BRD7: variants seen among roughly 807,000 people sequenced by gnomAD.
BRD7 encodes the protein bromodomain containing 7, also known as bromodomain-containing protein 7.
Under a neutral mutation model 82.1 loss-of-function variants are expected in BRD7, and 15 were observed. The observed-to-expected ratio is 0.18, with a 90% CI of 0.12 to 0.28. The LOEUF is 0.28. BRD7 is among the 10% of genes least tolerant of loss of function. BRD7 has a pLI of 1.00. For synonymous variants in BRD7, 232 were observed against 266.9 expected, an observed-to-expected ratio of 0.87 and a Z score of 1.27; for missense variants, 638 against 779.9, an observed-to-expected ratio of 0.82 and a Z score of 2.17.
intron 12 of BRD7, among the ~76,000 whole-genome samples, chr16:50,322,740 T>TA (rs1252131022): frequency 6.6e-6 from 1 of 152,252 alleles, no homozygotes; most frequent in Non-Finnish European, 1.5e-5. Context: ...CAATTTTCGT[T>TA]AGACTATTAA....
At chr16:50,335,913 T>C (rs1227216351) in intron 6 of BRD7, among the ~76,000 whole-genome samples, 1 of 152,196 alleles carries the variant, frequency 6.6e-6, no homozygotes, top group Non-Finnish European at 1.5e-5. Context: ...CTTAAAACCA[T>C]TAAAGCGATC....
At chr16:50,324,303 C>T (rs535661923) in intron 11 of BRD7, among the ~76,000 whole-genome samples, 3 of 152,236 alleles carry the variant, frequency 2.0e-5, no homozygotes, top group African/African-American at 4.8e-5. Context: ...CAGAACCTCA[C>T]CTGCTACTCC....
chr16:50,354,371 T>C (rs1047728983), intron 4 of BRD7, 54 bp downstream of exon 4: 28 of 1,448,096 alleles, frequency 1.9e-5, no homozygotes, highest in Non-Finnish European at 2.6e-5. Context: ...GTTTGGATCC[T>C]ACACATCTAC....
At chr16:50,356,677 A>G (rs2038744327) in intron 2 of BRD7, among the ~76,000 whole-genome samples, 1 of 151,330 alleles carries the variant, frequency 6.6e-6, no homozygotes, top group South Asian at 2.1e-4. Flanking sequence ...CTGAAAGGGT[A>G]TAAGGGATCT....
chr16:50,365,832 G>A (rs200249712), intron 2 of BRD7, among the ~76,000 whole-genome samples: 14 of 151,978 alleles, frequency 9.2e-5, no homozygotes, highest in Admixed American at 2.0e-4. Context: ...ATCAGTTCAG[G>A]AGTCTAATAT....
At chr16:50,368,011 T>A in intron 2 of BRD7, 79 bp downstream of exon 2, 3 of 1,425,202 alleles carry the variant, frequency 2.1e-6, no homozygotes, top group Non-Finnish European at 2.9e-6. Flanking sequence ...TTTCCCCAGA[T>A]ACAAAGAAAA....
chr16:50,322,255 T>C (rs1206181064), intron 12 of BRD7, among the ~76,000 whole-genome samples: 1 of 152,216 alleles, frequency 6.6e-6, no homozygotes, highest in Admixed American at 6.5e-5. Context: ...GTTATTTCCA[T>C]GCCTGATCAA....
chr16:50,349,951 A>G, intron 5 of BRD7, 72 bp downstream of exon 5: 1 of 1,309,364 alleles, frequency 7.6e-7, no homozygotes, highest in Non-Finnish European at 1.0e-6. Context: ...TAAAAGGTCA[A>G]TGAGAAAGAT....
intron 10 of BRD7, among the ~76,000 whole-genome samples, 193 bp from the exon 11 acceptor site, chr16:50,326,076 G>C (rs918786049): frequency 6.6e-6 from 1 of 152,138 alleles, no homozygotes; most frequent in East Asian, 1.9e-4. Flanking sequence ...AAGGGAGAGG[G>C]AGAGGAACAA....
intron 2 of BRD7, among the ~76,000 whole-genome samples, chr16:50,356,137 T>C (rs146614323): frequency 6.6e-6 from 1 of 152,346 alleles, no homozygotes; most frequent in East Asian, 1.9e-4. Flanking sequence ...TTGGCAACAT[T>C]TGTCTGAAAT....
At position 50,368,644 on chromosome 16, in the gene BRD7, C is replaced by T. The variant is rs1006649694; in HGVS notation, c.49+82G>A. On this transcript the variant is annotated intron_variant, in intron 1 of 16. Coordinates refer to ENST00000394688, the MANE Select transcript of BRD7 (RefSeq NM_013263.5). ...TGCCGTGGGAAGGAAGGGCCCCGGG[C>T]CGCCCCGGAGCCACTGGGAAAGAGC... 7 of 1,436,650 alleles carry T rather than the reference C, an allele frequency of 4.9e-6. No individual in the cohort carries two copies. In the African/African-American group the frequency reaches 8.9e-5, roughly 18 times the overall value. 89.0% of individuals were successfully genotyped at this position (1,436,650 alleles called of 1,614,324 possible). A position where few individuals can be genotyped will look rare whatever the true frequency, so the allele number is the denominator to read the frequency against.
At chr16:50,345,868 A>G (rs1025739110) in intron 5 of BRD7, among the ~76,000 whole-genome samples, 2 of 152,302 alleles carry the variant, frequency 1.3e-5, no homozygotes, top group Middle Eastern at 3.4e-3. Flanking sequence ...GACGAGACAG[A>G]AAGTTAACAA....
At chr16:50,364,475 G>C (rs2039060628) in intron 2 of BRD7, among the ~76,000 whole-genome samples, 1 of 152,204 alleles carries the variant, frequency 6.6e-6, no homozygotes, top group Non-Finnish European at 1.5e-5. Flanking sequence ...TGACACCCCA[G>C]AGGATCTGAA....
chr16:50,366,870 GAA>G (rs2039168869), intron 2 of BRD7, among the ~76,000 whole-genome samples: 1 of 152,114 alleles, frequency 6.6e-6, no homozygotes, highest in Non-Finnish European at 1.5e-5. Context: ...TTGGGGTGAG[GAA>G]AACTTTTTCC....
chr16:50,363,655 G>GTGTGTA (rs764186138), intron 2 of BRD7, among the ~76,000 whole-genome samples: 1 of 95,410 alleles, frequency 1.0e-5, no homozygotes, highest in Non-Finnish European at 2.5e-5. Flanking sequence ...GTGTGTGTGT[G>GTGTGTA]TGTGTGCGCG....
intron 8 of BRD7, among the ~76,000 whole-genome samples, chr16:50,330,332 G>A (rs2037506932): frequency 7.7e-6 from 1 of 130,690 alleles, no homozygotes; most frequent in Admixed American, 8.6e-5. Context: ...GTTGAAAAGA[G>A]GACACTTTTT....
intron 7 of BRD7, 116 bp from the exon 8 acceptor site, chr16:50,333,813 C>G (rs1337009809): frequency 2.3e-6 from 2 of 870,314 alleles, no homozygotes; most frequent in Non-Finnish European, 3.4e-6. Context: ...ACTACAGTCA[C>G]TCATTGAAAC....
chr16:50,321,295 T>C (rs1444242119), intron 13 of BRD7, among the ~76,000 whole-genome samples: 1 of 152,220 alleles, frequency 6.6e-6, no homozygotes, highest in East Asian at 1.9e-4. Context: ...GCGCAGTGGC[T>C]CATGCCTGTA....
At chr16:50,348,193 A>G (rs2038367827) in intron 5 of BRD7, among the ~76,000 whole-genome samples, 1 of 152,252 alleles carries the variant, frequency 6.6e-6, no homozygotes, top group Non-Finnish European at 1.5e-5. Context: ...GGTGCTGGGA[A>G]AACTGGCTAG....
Sources: allele counts gnomAD v4.1 joint callset (sites outside exome capture counted in the v4.1 genomes callset), GRCh38; gene constraint gnomAD v4.1.1; transcripts MANE v1.5; gene names NCBI Gene and HGNC (gene_info 2026-07-23, HGNC 2026-07-21).